Variants in GABRA4 observed in about 807,000 individuals in gnomAD.
The protein encoded by GABRA4 is gamma-aminobutyric acid receptor subunit alpha-4.
Under a neutral mutation model 49.7 loss-of-function variants are expected in GABRA4, and 12 were observed. The ratio of observed to expected loss-of-function variants is 0.24; its 90% CI spans 0.15 to 0.39. The LOEUF is 0.39. GABRA4 is among the 10% of genes least tolerant of loss of function. The probability of loss-of-function intolerance (pLI) is 1.00; values close to 1 mark genes in which losing one functional copy is unlikely to be tolerated. For synonymous variants in GABRA4, 288 were observed against 240.2 expected (o/e 1.20, Z -1.84); for missense variants, 506 against 686.0 (o/e 0.74, Z 2.93).
intron 2 of GABRA4, among the ~76,000 whole-genome samples, chr4:46,981,936 G>A (rs1723371505): frequency 6.6e-6 from 1 of 152,108 alleles, no homozygotes; most frequent in East Asian, 1.9e-4. Context: ...AAAGGGCTGA[G>A]TGTATTCAGG....
intron 6 of GABRA4, among the ~76,000 whole-genome samples, chr4:46,972,674 A>C (rs1458812107): frequency 6.6e-6 from 1 of 151,524 alleles, no homozygotes; most frequent in Non-Finnish European, 1.5e-5. Context: ...CACTATATGC[A>C]CTCTGCTATG....
intron 6 of GABRA4, among the ~76,000 whole-genome samples, chr4:46,972,111 C>T (rs1391557155): frequency 6.6e-6 from 1 of 151,548 alleles, no homozygotes; most frequent in South Asian, 2.1e-4. Context: ...AAAATAAATG[C>T]CCTTCCAAAA....
At chr4:46,960,167 G>A (rs1353679337) in intron 8 of GABRA4, among the ~76,000 whole-genome samples, 2 of 151,128 alleles carry the variant, frequency 1.3e-5, no homozygotes, top group African/African-American at 4.8e-5. Context: ...AGAATTTGAG[G>A]AAAAAACATT....
At chr4:46,953,914 G>A (rs1722256650) in intron 8 of GABRA4, among the ~76,000 whole-genome samples, 1 of 152,064 alleles carries the variant, frequency 6.6e-6, no homozygotes, top group African/African-American at 2.4e-5. Context: ...TAGTGGTTGT[G>A]AACCTACACT....
chr4:46,980,729 C>A (rs561437434), intron 2 of GABRA4, among the ~76,000 whole-genome samples: 1 of 152,000 alleles, frequency 6.6e-6, no homozygotes, highest in African/African-American at 2.4e-5. Flanking sequence ...TCATTAATGT[C>A]AAATTGTTCC....
chr4:46,938,307 T>C (rs1435560955), intron 8 of GABRA4, among the ~76,000 whole-genome samples: 3 of 152,142 alleles, frequency 2.0e-5, no homozygotes, highest in Non-Finnish European at 1.5e-5. Context: ...TTGATCACAA[T>C]GAAATTGTGC....
At chr4:46,978,687 CAAAAAAAAAAAAAAAA>C (rs71193889) in intron 3 of GABRA4, among the ~76,000 whole-genome samples, 3 of 21,648 alleles carry the variant, frequency 1.4e-4, no homozygotes, top group Non-Finnish European at 2.7e-4. Context: ...AACTTCATCT[CAAAAAAAAAAAAAAAA>C]AAAAAAAAAA....
intron 8 of GABRA4, among the ~76,000 whole-genome samples, chr4:46,934,545 G>A (rs1309567671): frequency 6.6e-6 from 1 of 152,076 alleles, no homozygotes; most frequent in East Asian, 1.9e-4. Flanking sequence ...TCCCAATGTT[G>A]GCATTTAATT....
At chr4:46,986,091 TG>T (rs1723525827) in intron 2 of GABRA4, among the ~76,000 whole-genome samples, 1 of 152,094 alleles carries the variant, frequency 6.6e-6, no homozygotes, top group African/African-American at 2.4e-5. Context: ...CTCAATAACT[TG>T]TTTTTCATGC....
At chr4:46,943,970 G>T (rs1027627035) in intron 8 of GABRA4, among the ~76,000 whole-genome samples, 4 of 151,924 alleles carry the variant, frequency 2.6e-5, no homozygotes, top group Admixed American at 6.6e-5. Flanking sequence ...TACCAGTGGT[G>T]GTGTGGGCCA....
chr4:46,956,343 A>G (rs559111328), intron 8 of GABRA4, among the ~76,000 whole-genome samples: 60 of 152,216 alleles, frequency 3.9e-4, no homozygotes, highest in South Asian at 8.3e-4. Flanking sequence ...AGGACAAATG[A>G]ATAAAATAAG....
intron 8 of GABRA4, among the ~76,000 whole-genome samples, chr4:46,939,728 T>C (rs1023192094): frequency 5.9e-5 from 9 of 152,044 alleles, no homozygotes; most frequent in African/African-American, 2.2e-4. Flanking sequence ...TACATTTACA[T>C]AGTTTCCATT....
At chr4:46,958,251 T>C (rs35561607) in intron 8 of GABRA4, among the ~76,000 whole-genome samples, 20,812 of 151,828 alleles carry the variant, frequency 0.14, 2,014 homozygotes, top group Admixed American at 0.32. Flanking sequence ...TGTAAAATAG[T>C]TATTGTGAGC....
At chr4:46,932,931 T>C (rs1268823454) in intron 8 of GABRA4, among the ~76,000 whole-genome samples, 1 of 152,160 alleles carries the variant, frequency 6.6e-6, no homozygotes, top group African/African-American at 2.4e-5. Context: ...AACTATATTC[T>C]GATGATATCT....
chr4:46,979,010 T>G, intron 3 of GABRA4, 21 bp downstream of exon 3: 1 of 1,554,832 alleles, frequency 6.4e-7, no homozygotes, highest in Non-Finnish European at 8.9e-7. Flanking sequence ...AAAAGGTACA[T>G]TAAACTTCGA....
At chr4:46,989,805 A>C (rs1723680247) in intron 2 of GABRA4, among the ~76,000 whole-genome samples, 2 of 152,194 alleles carry the variant, frequency 1.3e-5, no homozygotes, top group South Asian at 4.1e-4. Context: ...CAGGAAGTAA[A>C]TCCATATTTA....
At chr4:46,946,077 A>G (rs1379333131) in intron 8 of GABRA4, among the ~76,000 whole-genome samples, 1 of 152,154 alleles carries the variant, frequency 6.6e-6, no homozygotes, top group African/African-American at 2.4e-5. Flanking sequence ...TGAAAACAAC[A>G]ACAAAAAATT....
intron 8 of GABRA4, among the ~76,000 whole-genome samples, chr4:46,959,743 A>AGT (rs1165582989): frequency 7.7e-6 from 1 of 129,616 alleles, no homozygotes; most frequent in Non-Finnish European, 1.6e-5. Flanking sequence ...TAGTATAATG[A>AGT]GTCTCATCAC....
chr4:46,985,819 T>C (rs779076075), intron 2 of GABRA4, among the ~76,000 whole-genome samples: 14 of 151,990 alleles, frequency 9.2e-5, no homozygotes, highest in Non-Finnish European at 1.9e-4. Flanking sequence ...GATAGTAAAG[T>C]TGCACTCTGA....
Sources: allele counts gnomAD v4.1 joint callset (sites outside exome capture counted in the v4.1 genomes callset), GRCh38; gene constraint gnomAD v4.1.1; transcripts MANE v1.5; gene names NCBI Gene and HGNC (gene_info 2026-07-23, HGNC 2026-07-21).